The following ATXN7 variants were observed in gnomAD, a reference collection of about 807,000 sequenced individuals.
ATXN7 encodes ataxin 7.
ATXN7 carries 12 observed loss-of-function variants against 70.5 expected under a neutral mutation model. The observed-to-expected ratio is 0.17, with a 90% confidence interval of 0.11 to 0.28. ATXN7 has a LOEUF of 0.28. ATXN7 is among the 10% of genes least tolerant of loss of function. ATXN7 has a pLI of 1.00. For missense variants in ATXN7, 1,256 were observed against 1,131.7 expected (o/e 1.11, Z -1.58); for synonymous variants, 498 against 448.7 (o/e 1.11, Z -1.39).
At chr3:63,876,373 T>C (rs1702750297) in intron 1 of ATXN7, among the ~76,000 whole-genome samples, 2 of 152,060 alleles carry the variant, frequency 1.3e-5, no homozygotes, top group African/African-American at 4.8e-5. Context: ...TTTATTATTA[T>C]TGTGGTAGTT....
intron 4 of ATXN7, among the ~76,000 whole-genome samples, chr3:63,951,484 A>G (rs77577655): frequency 0.011 from 1,646 of 152,324 alleles, 23 homozygotes; most frequent in African/African-American, 0.036. Flanking sequence ...CTAATTATCC[A>G]TTCATTGCAG....
At chr3:63,941,712 C>T (rs1354700904) in intron 4 of ATXN7, among the ~76,000 whole-genome samples, 1 of 152,020 alleles carries the variant, frequency 6.6e-6, no homozygotes, top group Non-Finnish European at 1.5e-5. Flanking sequence ...GCTGATTGGT[C>T]TCTCGTTGGT....
chr3:63,987,680 A>G (rs773665070), intron 8 of ATXN7, among the ~76,000 whole-genome samples: 2 of 152,166 alleles, frequency 1.3e-5, no homozygotes, highest in Non-Finnish European at 2.9e-5. Context: ...AAATGGTCCA[A>G]AGAGGGTTTT....
chr3:63,973,559 C>T (rs2075347794), intron 5 of ATXN7, among the ~76,000 whole-genome samples: 1 of 152,126 alleles, frequency 6.6e-6, no homozygotes, highest in African/African-American at 2.4e-5. Context: ...CCAGGGATGC[C>T]CGGCCAGTGA....
At chr3:63,990,986 G>A in intron 11 of ATXN7, 127 bp downstream of exon 11, 1 of 1,394,124 alleles carries the variant, frequency 7.2e-7, no homozygotes, top group Non-Finnish European at 9.9e-7. Context: ...GCCCTGAGAA[G>A]AAGGTGCCTT....
Position 63,969,861 on chromosome 3 carries a change from C to T in ATXN7, c.500-10054C>T, listed in dbSNP as rs371486661. The stretch of plus-strand genomic sequence containing the variant: ...AAGTAGCTAGAGACTGGTGGATTTT[C>T]GTTTTGGCTCTCTCTTTTCTTCTCA... On this transcript the variant is annotated intron_variant, in intron 5 of 12. Coordinates refer to ENST00000674280, the MANE Select transcript of ATXN7 (RefSeq NM_001377405.1). 2.6e-5 allele frequency among the ~76,000 whole-genome samples: 4 copies of T among 152,266 alleles called. No individual in the cohort carries two copies. In the South Asian group the frequency reaches 6.2e-4, roughly 24 times the overall value.
At position 63,999,503 on chromosome 3, in the gene ATXN7, A is replaced by T. The variant is rs761951339; in HGVS notation, c.*36A>T. 1 of 1,612,824 alleles carries T rather than the reference A, an allele frequency of 6.2e-7. No individual in the cohort carries two copies. On this transcript the variant is annotated 3_prime_UTR_variant, in exon 13 of 13. Transcript: ENST00000674280. Reference sequence around the variant, plus strand: ...TAGCACGGGGAGGAATAATGCGGACACTTTTGAGGACAAGTTACACCTCCA... The same window carrying T: ...TAGCACGGGGAGGAATAATGCGGACTCTTTTGAGGACAAGTTACACCTCCA...
chr3:63,993,745 C>G (rs1371393784), intron 11 of ATXN7, among the ~76,000 whole-genome samples: 2 of 152,154 alleles, frequency 1.3e-5, no homozygotes, highest in Non-Finnish European at 1.5e-5. Context: ...TTCCTTTCCT[C>G]GAGATTTGGT....
chr3:63,905,931 G>C (rs1006065480), intron 2 of ATXN7: 14 of 152,236 alleles, frequency 9.2e-5, no homozygotes, highest in African/African-American at 3.1e-4. Flanking sequence ...ATGGCCATAA[G>C]AGTGTGGTTA....
chr3:63,961,519 T>A (rs542289718), intron 5 of ATXN7, among the ~76,000 whole-genome samples: 2 of 152,192 alleles, frequency 1.3e-5, no homozygotes, highest in African/African-American at 4.8e-5. Context: ...CTTCAGCAGT[T>A]CTGATTTGGG....
chr3:63,995,467 G>T, intron 11 of ATXN7, 38 bp from the exon 12 acceptor site: 1 of 1,608,014 alleles, frequency 6.2e-7, no homozygotes, highest in Non-Finnish European at 8.5e-7. Context: ...GTGAATGGCT[G>T]TGGTCAGTGT....
At chr3:63,962,469 A>G (rs2075146501) in intron 5 of ATXN7, among the ~76,000 whole-genome samples, 3 of 151,926 alleles carry the variant, frequency 2.0e-5, no homozygotes, top group South Asian at 2.1e-4. Flanking sequence ...CAGTGGTGCA[A>G]TCTCAGCTCA....
chr3:64,002,481 G>A lies in ATXN7; in HGVS notation c.*3014G>A, dbSNP rs1319984302. The A allele has an allele frequency of 6.6e-6, 1 of 151,940 alleles. No homozygotes were observed. The highest frequency in any genetic ancestry group is 6.6e-5 in the Admixed American group (1 of 15,242). 9.4% of individuals were successfully genotyped at this position (151,940 alleles called of 1,614,324 possible). A position where few individuals can be genotyped will look rare whatever the true frequency, so the allele number is the denominator to read the frequency against. ...CTTTTCTTTTGTTAGTATTTTATGT[G>A]TGGGAGTATGTGACTGCGTGTGTGT... is the stretch of plus-strand genomic sequence containing the variant. On this transcript the variant is annotated 3_prime_UTR_variant, in exon 13 of 13. Coordinates refer to ENST00000674280, the MANE Select transcript of ATXN7 (RefSeq NM_001377405.1).
In ATXN7 at chr3:64,002,548, C is replaced by G. The variant is rs2075844977; in HGVS notation, c.*3081C>G. On this transcript the variant is annotated 3_prime_UTR_variant, in exon 13 of 13. Transcript: ENST00000674280. ...GTGTATACTCAGCACATGTATGTTA[C>G]TATGTGATGTGGTTTAAAACTAATG... 6.6e-6 allele frequency: 1 copy of G among 151,968 alleles called. No homozygotes were observed. The highest frequency in any genetic ancestry group is 1.9e-4 in the East Asian group (1 of 5,178). The allele number at this position is 151,968 out of a possible 1,614,324, so 9.4% of individuals were successfully genotyped here.
intron 4 of ATXN7, among the ~76,000 whole-genome samples, chr3:63,913,639 A>G (rs1704148273): frequency 2.6e-5 from 4 of 152,206 alleles, no homozygotes; most frequent in Admixed American, 2.6e-4. Flanking sequence ...TGCTTTACCT[A>G]TGCAGTCTTA....
intron 5 of ATXN7, among the ~76,000 whole-genome samples, chr3:63,955,390 G>A (rs1227478544): frequency 1.3e-5 from 2 of 152,146 alleles, no homozygotes; most frequent in Non-Finnish European, 2.9e-5. Context: ...GAATTGACAA[G>A]AGGTTTAGAG....
chr3:63,937,643 C>A (rs574420583), intron 4 of ATXN7, among the ~76,000 whole-genome samples: 1 of 152,288 alleles, frequency 6.6e-6, no homozygotes, highest in African/African-American at 2.4e-5. Context: ...TACTTGTTTA[C>A]TCTTCCCTAG....
Position 63,891,746 on chromosome 3 carries a change from C to T in ATXN7, c.-110-6653C>T, listed in dbSNP as rs115812834. 1.6e-3 allele frequency among the ~76,000 whole-genome samples: 245 copies of T among 152,252 alleles called. 1 individual carries two copies. The highest frequency in any genetic ancestry group is 5.4e-3 in the African/African-American group (225 of 41,548). ...GAATGTAAATATAGGTGACTATTGG[C>T]GATCTCTATCACAAATAGTATTTAC... On this transcript the variant is annotated intron_variant, in intron 1 of 12. Coordinates refer to ENST00000674280, the MANE Select transcript of ATXN7 (RefSeq NM_001377405.1).
chr3:63,913,988 G>A (rs557123656), intron 4 of ATXN7, among the ~76,000 whole-genome samples: 4 of 152,158 alleles, frequency 2.6e-5, no homozygotes, highest in African/African-American at 9.6e-5. Flanking sequence ...CACTAGGCCT[G>A]GGCATACCGT....
Sources: allele counts gnomAD v4.1 joint callset (sites outside exome capture counted in the v4.1 genomes callset), GRCh38; gene constraint gnomAD v4.1.1; transcripts MANE v1.5; gene names NCBI Gene and HGNC (gene_info 2026-07-23, HGNC 2026-07-21).